The following TFDP2 variants were observed in gnomAD, a reference collection of about 807,000 sequenced individuals.
TFDP2 encodes transcription factor Dp-2 (E2F dimerization partner 2).
A neutral mutation model predicts 59.3 loss-of-function variants in TFDP2; 17 were observed. The ratio of observed to expected loss-of-function variants is 0.29; its 90% CI spans 0.20 to 0.43. The LOEUF (loss-of-function observed/expected upper bound fraction) is 0.43, where lower values mean the gene tolerates loss of function less well. Ranked by LOEUF, TFDP2 falls within the 20% of genes least tolerant of loss-of-function variation. The pLI is 1.00. For missense variants in TFDP2, 391 were observed against 528.8 expected, an observed-to-expected ratio of 0.74 and a Z score of 2.56; for synonymous variants, 180 against 194.7, an observed-to-expected ratio of 0.92 and a Z score of 0.63.
intron 7 of TFDP2, among the ~76,000 whole-genome samples, chr3:141,977,464 C>T (rs1940871634): frequency 1.3e-5 from 2 of 151,186 alleles, no homozygotes; most frequent in Non-Finnish European, 1.5e-5. Context: ...AGAGCCTTGC[C>T]ATTTTTGGTC....
rs778287692 is a variant in TFDP2 at position 141,959,682 on chromosome 3, T to C, written c.1043A>G (p.Tyr348Cys). The part of the protein sequence containing the change: ...KSLVPKALEG[Y>C]ITDISTGPSW... ...AGCATCAGTTAACATACCTGTGATA[T>C]AACCTTCTAAAGCCTTTGGCACCAG... is the stretch of plus-strand genomic sequence containing the variant. The change falls in exon 11 of 13, where the codon TAT (tyrosine) becomes TGT (cysteine). Residue 348 changes from tyrosine to cysteine, a missense_variant. By Grantham distance (194) the Tyr-to-Cys change is radical. Coordinates refer to ENST00000489671, the MANE Select transcript of TFDP2 (RefSeq NM_001178139.2). The C allele has an allele frequency of 5.6e-6, 9 of 1,614,120 alleles. No homozygotes were observed. In the South Asian group the frequency reaches 7.7e-5, roughly 14 times the overall value.
chr3:141,970,598 G>A (rs11569247), intron 8 of TFDP2, among the ~76,000 whole-genome samples: 4 of 152,162 alleles, frequency 2.6e-5, no homozygotes, highest in South Asian at 2.1e-4. Context: ...CCAAGGTCAC[G>A]CAGCTAGTGA....
chr3:142,034,896 C>T (rs1576791604), intron 3 of TFDP2, among the ~76,000 whole-genome samples: 1 of 151,858 alleles, frequency 6.6e-6, no homozygotes, highest in East Asian at 1.9e-4. Context: ...TTAGTAGTGA[C>T]AGGGTTTCAC....
rs190842516 is a variant in TFDP2 at position 142,043,466 on chromosome 3, C to A, written c.83-37922G>T. 1.3e-4 allele frequency among the ~76,000 whole-genome samples: 20 copies of A among 151,838 alleles called. No individual in the cohort carries two copies. In the East Asian group the frequency reaches 3.9e-3, roughly 29 times the overall value. On this transcript the variant is annotated intron_variant, in intron 3 of 12. Coordinates refer to ENST00000489671, the MANE Select transcript of TFDP2 (RefSeq NM_001178139.2). ...GCAACCTCCACCTCCTGGGTTCAAGCGATTCTCCTGCCTCAGCCTCCCAAG... is the reference window on the plus strand; with the variant it reads ...GCAACCTCCACCTCCTGGGTTCAAGAGATTCTCCTGCCTCAGCCTCCCAAG...
At chr3:142,070,300 A>G (rs2060205143) in intron 3 of TFDP2, among the ~76,000 whole-genome samples, 1 of 151,926 alleles carries the variant, frequency 6.6e-6, no homozygotes, top group South Asian at 2.1e-4. Flanking sequence ...TTTTTTTGAG[A>G]CAGGGTCACC....
At chr3:142,050,120 A>T (rs1171650169) in intron 3 of TFDP2, among the ~76,000 whole-genome samples, 1 of 151,848 alleles carries the variant, frequency 6.6e-6, no homozygotes, top group East Asian at 1.9e-4. Context: ...TACAAAAATT[A>T]GCTGGGCGTG....
chr3:142,074,237 T>G (rs2060361242), intron 3 of TFDP2, among the ~76,000 whole-genome samples: 1 of 150,784 alleles, frequency 6.6e-6, no homozygotes, highest in Admixed American at 6.6e-5. Context: ...GGTAAAACCC[T>G]GTCTCTACTG....
At chr3:141,989,565 A>G (rs1411349131) in intron 6 of TFDP2, 3 of 152,216 alleles carry the variant, frequency 2.0e-5, no homozygotes, top group East Asian at 1.9e-4. Context: ...GAGGTGGGAT[A>G]AGAGGTACAA....
chr3:142,050,755 G>GAGGTTGCTT (rs1947585929), intron 3 of TFDP2, among the ~76,000 whole-genome samples: 1 of 151,992 alleles, frequency 6.6e-6, no homozygotes, highest in Admixed American at 6.6e-5. Flanking sequence ...GGTTGAGGCA[G>GAGGTTGCTT]GAGAACTGCT....
intron 3 of TFDP2, among the ~76,000 whole-genome samples, chr3:142,088,741 G>A (rs1416339060): frequency 6.6e-6 from 1 of 151,492 alleles, no homozygotes; most frequent in East Asian, 1.9e-4. Context: ...CTCCCAGGGT[G>A]CTGGGATCAT....
intron 3 of TFDP2, among the ~76,000 whole-genome samples, chr3:142,068,367 G>C (rs2060138541): frequency 6.6e-6 from 1 of 152,070 alleles, no homozygotes; most frequent in South Asian, 2.1e-4. Flanking sequence ...CTTGGTTTTG[G>C]CAATTACATT....
intron 3 of TFDP2, among the ~76,000 whole-genome samples, chr3:142,020,575 G>A (rs1328898973): frequency 1.3e-5 from 2 of 151,494 alleles, no homozygotes; most frequent in Non-Finnish European, 2.9e-5. Context: ...CTCAGGCTCT[G>A]TAGGTCAACA....
intron 3 of TFDP2, among the ~76,000 whole-genome samples, chr3:142,046,918 G>A (rs545541993): frequency 6.6e-6 from 1 of 152,202 alleles, no homozygotes; most frequent in Admixed American, 6.5e-5. Flanking sequence ...AGCCCAAAAG[G>A]TCCTAAAATA....
At chr3:142,021,783 A>G (rs2108358322) in intron 3 of TFDP2, among the ~76,000 whole-genome samples, 1 of 152,312 alleles carries the variant, frequency 6.6e-6, no homozygotes, top group African/African-American at 2.4e-5. Flanking sequence ...GGTATCTGGA[A>G]TATTATAATT....
At chr3:141,977,522 GTAGA>G (rs1384575098) in intron 7 of TFDP2, among the ~76,000 whole-genome samples, 1 of 152,042 alleles carries the variant, frequency 6.6e-6, no homozygotes, top group Non-Finnish European at 1.5e-5. Context: ...AACCTGGGAA[GTAGA>G]GGTTTCATTG....
chr3:142,149,208 G>C lies in TFDP2; in HGVS notation c.-118C>G, dbSNP rs2063298367. ...CGCCTTCGGCTGCAGAAGAACTGGC[G>C]GCCAAGCGAGGCTGTCGGGCCGAGC... On this transcript the variant is annotated 5_prime_UTR_variant, in exon 1 of 13. Transcript: ENST00000489671. The C allele has an allele frequency of 2.5e-6, 1 of 397,678 alleles. No individual in the cohort carries two copies. The highest frequency in any genetic ancestry group is 4.4e-5 in the Admixed American group (1 of 22,700). The allele number at this position is 397,678 out of a possible 1,614,324, so 24.6% of individuals were successfully genotyped here.
Position 141,985,054 on chromosome 3 carries a change from C to A in TFDP2, c.357-6372G>T, listed in dbSNP as rs1163868141. ...TCTGGTTAACTACTACTGCTGCCAC[C>A]TTCAGAATAGGTATGCCTTTTCTTG... On this transcript the variant is annotated intron_variant, in intron 6 of 12. Transcript: ENST00000489671. Among the ~76,000 whole-genome samples the A allele has an allele frequency of 3.9e-5, 6 of 151,922 alleles. No individual in the cohort carries two copies. In the East Asian group the frequency reaches 1.2e-3, roughly 29 times the overall value.
At chr3:142,012,291 C>T (rs771436216) in intron 3 of TFDP2, among the ~76,000 whole-genome samples, 13 of 152,126 alleles carry the variant, frequency 8.5e-5, no homozygotes, top group Non-Finnish European at 1.3e-4. Flanking sequence ...GGATCATAGG[C>T]GTGAGCCACC....
chr3:142,137,358 C>T (rs1157957038), intron 1 of TFDP2, among the ~76,000 whole-genome samples: 5 of 152,104 alleles, frequency 3.3e-5, no homozygotes, highest in African/African-American at 9.7e-5. Context: ...CTTTTCCTAA[C>T]TGAATACCCT....
Sources: gnomAD v4.1 joint callset for allele counts (sites outside exome capture counted in the v4.1 genomes callset) on GRCh38, gnomAD v4.1.1 for gene constraint, MANE v1.5 for transcripts, NCBI Gene and HGNC (gene_info 2026-07-23, HGNC 2026-07-21) for gene names.